The following ANKFY1 variants were observed in gnomAD, a reference collection of about 807,000 sequenced individuals.
ANKFY1 encodes ankyrin repeat and FYVE domain containing 1.
ANKFY1 carries 47 observed loss-of-function variants against 128.3 expected under a neutral mutation model. The ratio of observed to expected loss-of-function variants is 0.37; its 90% confidence interval spans 0.29 to 0.47. The LOEUF (loss-of-function observed/expected upper bound fraction) is 0.47, where lower values mean the gene tolerates loss of function less well. Ranked by LOEUF, ANKFY1 falls within the 20% of genes least tolerant of loss-of-function variation. The pLI is 1.00. For missense variants in ANKFY1, 1,222 were observed against 1,510.6 expected (o/e 0.81, Z 3.17); for synonymous variants, 553 against 601.6 (o/e 0.92, Z 1.18).
Position 4,169,195 on chromosome 17 carries a change from T to C in ANKFY1, c.3377+3A>G. 4 of 1,551,422 alleles carry C rather than the reference T, an allele frequency of 2.6e-6. No individual in the cohort carries two copies. Among genetic ancestry groups the C allele is most frequent in the East Asian group, 2.4e-5 (1 of 40,950 alleles). On this transcript the variant is annotated splice_donor_region_variant and intron_variant, in intron 24 of 24. Coordinates refer to ENST00000341657, the MANE Select transcript of ANKFY1 (RefSeq NM_001330063.2). This position sits in a 1 kb window ranked among gnomAD's most constrained non-coding sequence, Gnocchi z 5.0. ...CTCCTTGCCAGTGACGCTGGGGTCT[T>C]ACCAGTGGTGTTTGCGAGTGGTGAC...
intron 7 of ANKFY1, among the ~76,000 whole-genome samples, chr17:4,204,480 A>G (rs560800533): frequency 6.6e-6 from 1 of 152,352 alleles, no homozygotes; most frequent in East Asian, 1.9e-4. Flanking sequence ...AAAGTTAGCA[A>G]AATCAAGTTT....
At position 4,184,919 on chromosome 17, in the gene ANKFY1, G is replaced by A. The variant is rs771761817; in HGVS notation, c.1598C>T (p.Ser533Phe). 1 of 1,614,120 alleles carries A rather than the reference G, an allele frequency of 6.2e-7. No homozygotes were observed. Among genetic ancestry groups the A allele is most frequent in the South Asian group, 1.1e-5 (1 of 91,090 alleles). Reference sequence around the variant, plus strand: ...GACGCTGTCCGCCAAGCTGGTCAGGGATGCGGCCTCCTTTGGCAGAGGCAG... The same window carrying A: ...GACGCTGTCCGCCAAGCTGGTCAGGAATGCGGCCTCCTTTGGCAGAGGCAG... ...EALPLPKEAA[S>F]LTSLADSVHL... The change falls in exon 12 of 25, where the codon TCC becomes TTC. Residue 533 changes from serine (S) to phenylalanine (F), a missense_variant. By Grantham distance (155) the Ser-to-Phe change is radical. Transcript: ENST00000341657.
intron 1 of ANKFY1, among the ~76,000 whole-genome samples, chr17:4,262,498 G>A (rs1026684255): frequency 7.0e-4 from 107 of 152,008 alleles, no homozygotes; most frequent in African/African-American, 2.4e-3. Flanking sequence ...CTGGCCTCAA[G>A]CGATCCTCCC....
chr17:4,218,755 G>A (rs2060261212), intron 3 of ANKFY1, among the ~76,000 whole-genome samples: 1 of 152,168 alleles, frequency 6.6e-6, no homozygotes, highest in Admixed American at 6.5e-5. Context: ...GCATGTGTCT[G>A]TAGTCCCAGC....
chr17:4,204,392 G>C (rs992610224), intron 7 of ANKFY1, among the ~76,000 whole-genome samples: 3 of 152,342 alleles, frequency 2.0e-5, no homozygotes, highest in Admixed American at 2.0e-4. Flanking sequence ...AGAGTAAACA[G>C]ATGAGCTCAG....
At chr17:4,170,993 A>C (rs1181949265) in intron 22 of ANKFY1, 132 bp from the exon 23 acceptor site, 6 of 1,341,270 alleles carry the variant, frequency 4.5e-6, no homozygotes, top group Non-Finnish European at 4.1e-6. Context: ...CCCCACAGAC[A>C]TACGGGGGCC....
intron 3 of ANKFY1, chr17:4,223,930 C>G: frequency 1.7e-6 from 1 of 593,498 alleles, no homozygotes; most frequent in Non-Finnish European, 3.0e-6. Flanking sequence ...TTCCAGAACA[C>G]TGTGCCTCAG....
rs184197495 is a variant in ANKFY1 at position 4,246,333 on chromosome 17, T to G, written c.11-3885A>C. 9.2e-5 allele frequency among the ~76,000 whole-genome samples: 14 copies of G among 152,340 alleles called. No individual in the cohort carries two copies. The East Asian group carries it at 2.7e-3, about 29-fold the overall frequency. ...TATTTTCTTGGTCAGATTCTCCTTTTAAGCTTGTATCAGTCAACAGATTTG... is the reference window on the plus strand; with the variant it reads ...TATTTTCTTGGTCAGATTCTCCTTTGAAGCTTGTATCAGTCAACAGATTTG... On this transcript the variant is annotated intron_variant, in intron 1 of 24. Coordinates refer to ENST00000341657, the MANE Select transcript of ANKFY1 (RefSeq NM_001330063.2).
At chr17:4,225,498 A>G (rs906605904) in intron 3 of ANKFY1, among the ~76,000 whole-genome samples, 2 of 152,266 alleles carry the variant, frequency 1.3e-5, no homozygotes, top group South Asian at 2.1e-4. Flanking sequence ...ACCTCAAACC[A>G]TATTTCTAAA....
intron 10 of ANKFY1, among the ~76,000 whole-genome samples, chr17:4,190,418 G>A (rs924112224): frequency 6.6e-6 from 1 of 151,986 alleles, no homozygotes; most frequent in Non-Finnish European, 1.5e-5. Context: ...TCCAGCCTGG[G>A]CGACAGAACA....
intron 1 of ANKFY1, among the ~76,000 whole-genome samples, chr17:4,246,183 G>A (rs1351262178): frequency 6.6e-6 from 1 of 152,174 alleles, no homozygotes; most frequent in Non-Finnish European, 1.5e-5. Flanking sequence ...GAGACCTCCT[G>A]GTTTAAGCTA....
At chr17:4,260,734 A>G (rs1381714994) in intron 1 of ANKFY1, among the ~76,000 whole-genome samples, 1 of 152,056 alleles carries the variant, frequency 6.6e-6, no homozygotes, top group Non-Finnish European at 1.5e-5. Flanking sequence ...AGCTAAATAT[A>G]TATGGTCAAA....
chr17:4,255,964 T>C (rs765270886), intron 1 of ANKFY1, among the ~76,000 whole-genome samples: 41 of 152,044 alleles, frequency 2.7e-4, no homozygotes, highest in South Asian at 2.3e-3. Context: ...ATTACAGGAG[T>C]GCACCACCAA....
intron 21 of ANKFY1, among the ~76,000 whole-genome samples, 177 bp from the exon 22 acceptor site, chr17:4,172,857 A>G (rs1481864787): frequency 6.6e-6 from 1 of 152,194 alleles, no homozygotes; most frequent in Admixed American, 6.5e-5. Flanking sequence ...ATGCATAACA[A>G]AAGTTTTTTT....
intron 3 of ANKFY1, 35 bp from the exon 4 acceptor site, chr17:4,217,153 T>C (rs774060612): frequency 1.4e-5 from 22 of 1,602,586 alleles, no homozygotes; most frequent in South Asian, 7.7e-5. Flanking sequence ...TGAAAAAGCA[T>C]AGAATGACAT....
chr17:4,194,898 T>C (rs1368325573), intron 10 of ANKFY1, 80 bp downstream of exon 10: 2 of 1,360,866 alleles, frequency 1.5e-6, no homozygotes, highest in South Asian at 1.2e-5. Flanking sequence ...AGTTTCTAAA[T>C]TTGGGGTGAA....
rs781280199 is a variant in ANKFY1 at position 4,169,184 on chromosome 17, C to T, written c.3377+14G>A. The T allele has an allele frequency of 1.9e-5, 30 of 1,548,350 alleles. No homozygotes were observed. Among genetic ancestry groups the T allele is most frequent in the Middle Eastern group, 1.7e-4 (1 of 6,000 alleles). Reference sequence around the variant, plus strand: ...CAGTCCCCTCGCTCCTTGCCAGTGACGCTGGGGTCTTACCAGTGGTGTTTG... The same window carrying T: ...CAGTCCCCTCGCTCCTTGCCAGTGATGCTGGGGTCTTACCAGTGGTGTTTG... On this transcript the variant is annotated intron_variant, in intron 24 of 24. Coordinates refer to ENST00000341657, the MANE Select transcript of ANKFY1 (RefSeq NM_001330063.2). This position sits in a 1 kb window ranked among gnomAD's most constrained non-coding sequence, Gnocchi z 5.0.
chr17:4,198,563 G>A (rs2143011466), intron 7 of ANKFY1, among the ~76,000 whole-genome samples: 1 of 152,002 alleles, frequency 6.6e-6, no homozygotes, highest in East Asian at 1.9e-4. Context: ...GTAGGGACGG[G>A]GTTTCACCAT....
intron 3 of ANKFY1, among the ~76,000 whole-genome samples, chr17:4,233,417 C>T (rs1175649176): frequency 6.6e-6 from 1 of 151,794 alleles, no homozygotes; most frequent in Non-Finnish European, 1.5e-5. Flanking sequence ...GGACTGGTAC[C>T]CTCCCAGTAA....
Sources: gnomAD v4.1 joint callset for allele counts (sites outside exome capture counted in the v4.1 genomes callset) on GRCh38, gnomAD v4.1.1 for gene constraint, Gnocchi (gnomAD v3.1) non-coding constraint, MANE v1.5 for transcripts, NCBI Gene and HGNC (gene_info 2026-07-23, HGNC 2026-07-21) for gene names.